The following ERC1 variants were observed in gnomAD, a reference collection of about 807,000 sequenced individuals.
ERC1 encodes RAB6 interacting protein 2.
Under a neutral mutation model 132.0 loss-of-function variants are expected in ERC1, and 56 were observed. That is an observed-to-expected ratio of 0.42 (90% CI 0.34 to 0.53). ERC1 has a LOEUF of 0.53. Among genes scored for constraint, ERC1 ranks in the 20% least tolerant of loss-of-function variants. The probability of loss-of-function intolerance (pLI) is 0.03; values close to 1 mark genes in which losing one functional copy is unlikely to be tolerated. For missense variants in ERC1, 1,202 were observed against 1,349.9 expected (o/e 0.89, Z 1.72); for synonymous variants, 478 against 476.1 (o/e 1.00, Z -0.05).
chr12:1,076,089 T>A (rs549085047), intron 2 of ERC1, among the ~76,000 whole-genome samples: 130 of 152,368 alleles, frequency 8.5e-4, no homozygotes, highest in African/African-American at 3.0e-3. Flanking sequence ...TTTGTCTTTC[T>A]TGAATATTGT....
At chr12:1,141,037 G>A (rs1949815059) in intron 7 of ERC1, among the ~76,000 whole-genome samples, 1 of 152,040 alleles carries the variant, frequency 6.6e-6, no homozygotes, top group African/African-American at 2.4e-5. Flanking sequence ...AGTATCATTA[G>A]ATTTCTTGTT....
At chr12:1,043,247 A>G (rs1970564241) in intron 2 of ERC1, among the ~76,000 whole-genome samples, 1 of 151,542 alleles carries the variant, frequency 6.6e-6, no homozygotes, top group East Asian at 1.9e-4. Context: ...GTTTCACCAT[A>G]TTGGTCAGGC....
rs904236944 is a variant in ERC1, at chr12:1,263,157, G to A, written c.2611G>A (p.Glu871Lys). ...AQEESARTNA[E>K]KQVEELLMAM... ...AGAGGAATCAGCCAGGACCAATGCT[G>A]AAAAACAGGTCTGCTATTTTATACA... The change falls in exon 14 of 19, where the codon GAA (glutamate) becomes AAA (lysine). Residue 871 changes from glutamate (E) to lysine (K), a missense_variant. Glu to Lys is a moderately conservative substitution (Grantham distance 56). Coordinates refer to ENST00000360905, the MANE Select transcript of ERC1 (RefSeq NM_178040.4). 9 of 1,613,690 alleles carry A rather than the reference G, an allele frequency of 5.6e-6. No homozygotes were observed. The highest frequency in any genetic ancestry group is 5.0e-5 in the Admixed American group (3 of 59,972).
At chr12:1,077,628 A>G (rs954925071) in intron 2 of ERC1, among the ~76,000 whole-genome samples, 1 of 152,192 alleles carries the variant, frequency 6.6e-6, no homozygotes, top group Non-Finnish European at 1.5e-5. Context: ...GTGTTGCTAT[A>G]AAATTTGGAG....
rs531481810 is a variant in ERC1 at position 1,069,585 on chromosome 12, G to A, written c.670-13579G>A. ...GATACATTGATATTATTCGTATAGTGGAATTCAAGTAAACAATCCTTATCT... is the reference window on the plus strand; with the variant it reads ...GATACATTGATATTATTCGTATAGTAGAATTCAAGTAAACAATCCTTATCT... On this transcript the variant is annotated intron_variant, in intron 2 of 18. Coordinates refer to ENST00000360905, the MANE Select transcript of ERC1 (RefSeq NM_178040.4). 2.7e-4 allele frequency among the ~76,000 whole-genome samples: 41 copies of A among 152,166 alleles called. No individual in the cohort carries two copies. The East Asian group carries it at 7.5e-3, about 28-fold the overall frequency.
intron 18 of ERC1, among the ~76,000 whole-genome samples, chr12:1,447,058 C>T (rs1565458696): frequency 6.7e-6 from 1 of 150,242 alleles, no homozygotes; most frequent in Non-Finnish European, 1.5e-5. Context: ...GTATTAAATT[C>T]AATTCCTAAT....
At chr12:1,100,115 T>C (rs891349165) in intron 3 of ERC1, among the ~76,000 whole-genome samples, 1 of 152,088 alleles carries the variant, frequency 6.6e-6, no homozygotes, top group African/African-American at 2.4e-5. Context: ...CCCAAAGTGC[T>C]GGGATTACAG....
intron 15 of ERC1, among the ~76,000 whole-genome samples, chr12:1,326,157 A>C (rs1197500021): frequency 6.6e-6 from 1 of 152,196 alleles, no homozygotes; most frequent in African/African-American, 2.4e-5. Flanking sequence ...ATTTTCCAAA[A>C]GTAAGGTAGA....
chr12:1,070,924 C>T (rs899997776), intron 2 of ERC1, among the ~76,000 whole-genome samples: 1 of 152,198 alleles, frequency 6.6e-6, no homozygotes, highest in Non-Finnish European at 1.5e-5. Context: ...TACGTGTTCT[C>T]GAACTTCATT....
intron 17 of ERC1, among the ~76,000 whole-genome samples, chr12:1,430,016 T>A (rs2092745976): frequency 1.3e-5 from 2 of 152,196 alleles, no homozygotes; most frequent in Non-Finnish European, 2.9e-5. Flanking sequence ...ACTTGGGGTC[T>A]CTCATGGGAC....
chr12:1,480,699 C>A, intron 18 of ERC1: 1 of 550,776 alleles, frequency 1.8e-6, no homozygotes, highest in South Asian at 2.0e-5. Flanking sequence ...AAGGGGCCTG[C>A]CTTGAGGAGG....
At chr12:1,189,067 A>T (rs1257391275) in intron 11 of ERC1, among the ~76,000 whole-genome samples, 4 of 152,078 alleles carry the variant, frequency 2.6e-5, no homozygotes, top group Admixed American at 2.0e-4. Flanking sequence ...TTTCAAAAAA[A>T]TTTTTCTTAA....
chr12:996,983 G>A (rs920596128), intron 1 of ERC1, among the ~76,000 whole-genome samples: 4 of 152,158 alleles, frequency 2.6e-5, no homozygotes, highest in African/African-American at 9.7e-5. Context: ...CGATGGTGCG[G>A]TTATAGCTTA....
chr12:1,372,564 GT>G (rs1205152180), intron 16 of ERC1, among the ~76,000 whole-genome samples: 1 of 152,202 alleles, frequency 6.6e-6, no homozygotes, highest in African/African-American at 2.4e-5. Context: ...CGTTAAAATG[GT>G]AACTTTTATG....
intron 14 of ERC1, among the ~76,000 whole-genome samples, chr12:1,269,073 A>G (rs567249033): frequency 3.0e-4 from 46 of 152,340 alleles, no homozygotes; most frequent in African/African-American, 1.0e-3. Context: ...TTGCTCATTT[A>G]TTCATTCAAC....
Position 1,183,530 on chromosome 12 carries a change from A to G in ERC1, c.2157+109A>G, listed in dbSNP as rs564744481. 14 of 630,896 alleles carry G rather than the reference A, an allele frequency of 2.2e-5. No homozygotes were observed. The South Asian group carries it at 2.7e-4, about 12-fold the overall frequency. 39.1% of individuals were successfully genotyped at this position (630,896 alleles called of 1,614,324 possible). ...TTACCAATGGAATAATAATCCGCCA[A>G]ACTTTAAAATACCATGTATATCTGA... On this transcript the variant is annotated intron_variant, in intron 11 of 18. Transcript: ENST00000360905.
At chr12:1,329,909 G>C (rs951196470) in intron 15 of ERC1, among the ~76,000 whole-genome samples, 1 of 152,170 alleles carries the variant, frequency 6.6e-6, no homozygotes, top group Non-Finnish European at 1.5e-5. Context: ...CACTTTTCTA[G>C]TGTGCTTGGT....
At chr12:1,429,182 CAGG>C (rs1356159100) in intron 17 of ERC1, among the ~76,000 whole-genome samples, 1 of 152,134 alleles carries the variant, frequency 6.6e-6, no homozygotes, top group African/African-American at 2.4e-5. Context: ...AAACTTTTTG[CAGG>C]AGGAGGGATT....
intron 14 of ERC1, among the ~76,000 whole-genome samples, chr12:1,288,991 T>C (rs2079221472): frequency 6.6e-6 from 1 of 151,116 alleles, no homozygotes; most frequent in Non-Finnish European, 1.5e-5. Context: ...TGGTGGCTTT[T>C]TGTTTGTTGT....
Sources: allele counts gnomAD v4.1 joint callset (sites outside exome capture counted in the v4.1 genomes callset), GRCh38; gene constraint gnomAD v4.1.1; transcripts MANE v1.5; gene names NCBI Gene and HGNC (gene_info 2026-07-23, HGNC 2026-07-21).